SLC6A6: variants seen among roughly 807,000 people sequenced by gnomAD.
SLC6A6 encodes the protein solute carrier family 6 member 6.
SLC6A6 carries 16 observed loss-of-function variants against 68.8 expected under a neutral mutation model. That is an observed-to-expected ratio of 0.23 (90% CI 0.16 to 0.35). The LOEUF (loss-of-function observed/expected upper bound fraction) is 0.35, where lower values mean the gene tolerates loss of function less well. SLC6A6 is among the 10% of genes least tolerant of loss of function. The pLI is 1.00. For missense variants in SLC6A6, 474 were observed against 802.8 expected, an observed-to-expected ratio of 0.59 and a Z score of 4.95; for synonymous variants, 312 against 315.4, an observed-to-expected ratio of 0.99 and a Z score of 0.12.
At chr3:14,410,501 G>T (rs570875887) in intron 1 of SLC6A6, among the ~76,000 whole-genome samples, 34 of 152,354 alleles carry the variant, frequency 2.2e-4, no homozygotes, top group African/African-American at 7.9e-4. Flanking sequence ...GTGGTGAGCA[G>T]CTCTGGCCAC....
chr3:14,435,119 C>T (rs192218021), intron 2 of SLC6A6, among the ~76,000 whole-genome samples: 122 of 152,330 alleles, frequency 8.0e-4, no homozygotes, highest in African/African-American at 2.8e-3. Flanking sequence ...GGCTGGTCCC[C>T]ATCCAGAGGT....
chr3:14,461,788 G>A (rs1389246960), intron 6 of SLC6A6, among the ~76,000 whole-genome samples: 1 of 152,186 alleles, frequency 6.6e-6, no homozygotes, highest in Non-Finnish European at 1.5e-5. Context: ...CAGCCAGGGC[G>A]CTGAGGATCC....
intron 2 of SLC6A6, among the ~76,000 whole-genome samples, chr3:14,432,295 C>T (rs1488507509): frequency 6.6e-6 from 1 of 152,218 alleles, no homozygotes; most frequent in East Asian, 1.9e-4. Flanking sequence ...CTGGGCTCTG[C>T]AGAGCCTGTT....
intron 5 of SLC6A6, among the ~76,000 whole-genome samples, chr3:14,449,789 G>T (rs977432191): frequency 3.3e-5 from 5 of 152,088 alleles, no homozygotes; most frequent in Non-Finnish European, 2.9e-5. Context: ...GTCTCACTCT[G>T]TTGCCAGGCT....
In SLC6A6 at chr3:14,450,091, A is replaced by G. The variant is rs1219542607; in HGVS notation, c.599+2275A>G. 6.6e-6 allele frequency among the ~76,000 whole-genome samples: 1 copy of G among 152,078 alleles called. No individual in the cohort carries two copies. The highest frequency in any genetic ancestry group is 1.5e-5 in the Non-Finnish European group (1 of 68,016). Reference sequence around the variant, plus strand: ...TATCGAGTGCCCTCATAGTGCATAAAACTACCCCTCAGGGCAGTTTCTTTG... The same window carrying G: ...TATCGAGTGCCCTCATAGTGCATAAGACTACCCCTCAGGGCAGTTTCTTTG... On this transcript the variant is annotated intron_variant, in intron 5 of 14. Transcript: ENST00000622186. This position sits in a 1 kb window ranked among gnomAD's most constrained non-coding sequence, Gnocchi z 4.1.
intron 5 of SLC6A6, among the ~76,000 whole-genome samples, chr3:14,453,519 T>C (rs767717522): frequency 6.6e-6 from 1 of 152,202 alleles, no homozygotes; most frequent in South Asian, 2.1e-4. Flanking sequence ...TCAGCCTCAG[T>C]TTCCCCATCA....
intron 2 of SLC6A6, among the ~76,000 whole-genome samples, chr3:14,433,435 C>T (rs1319531375): frequency 6.6e-6 from 1 of 152,094 alleles, no homozygotes; most frequent in Non-Finnish European, 1.5e-5. Context: ...TGGCCACCCA[C>T]CCCGCAGGTT....
chr3:14,403,123 T>TGTGTGGGG (rs1350237821), intron 1 of SLC6A6, among the ~76,000 whole-genome samples: 2 of 126,746 alleles, frequency 1.6e-5, no homozygotes, highest in Admixed American at 1.6e-4. Flanking sequence ...TGTGTGTGTG[T>TGTGTGGGG]GGCATATCTG....
At position 14,481,970 on chromosome 3, in the gene SLC6A6, T is replaced by A; in HGVS notation, c.1722+129T>A. ...AGCCATAGTTCCCTCACCCATCCAGTGGTTCAGCTTATGGGCAGCAGAGTG... is the reference window on the plus strand; with the variant it reads ...AGCCATAGTTCCCTCACCCATCCAGAGGTTCAGCTTATGGGCAGCAGAGTG... On this transcript the variant is annotated intron_variant, in intron 14 of 14. Coordinates refer to ENST00000622186, the MANE Select transcript of SLC6A6 (RefSeq NM_003043.6). The surrounding 1 kb of genome is among the most constrained non-coding windows in gnomAD (Gnocchi z 4.7). 2.8e-6 allele frequency: 2 copies of A among 717,350 alleles called. No homozygotes were observed. Among genetic ancestry groups the A allele is most frequent in the Non-Finnish European group, 4.7e-6 (2 of 429,904 alleles). The allele number at this position is 717,350 out of a possible 1,614,324, so 44.4% of individuals were successfully genotyped here.
At chr3:14,462,089 C>A (rs1223543398) in intron 6 of SLC6A6, among the ~76,000 whole-genome samples, 4 of 152,236 alleles carry the variant, frequency 2.6e-5, no homozygotes, top group Non-Finnish European at 5.9e-5. Context: ...CCACGTCCCA[C>A]AGCAAGGCCT....
At chr3:14,405,794 T>A (rs1167101551) in intron 1 of SLC6A6, among the ~76,000 whole-genome samples, 1 of 152,206 alleles carries the variant, frequency 6.6e-6, no homozygotes, top group African/African-American at 2.4e-5. Context: ...TAGACCTTGG[T>A]TAAGGTCAGC....
intron 2 of SLC6A6, among the ~76,000 whole-genome samples, chr3:14,439,458 G>C (rs1699933044): frequency 1.3e-5 from 2 of 152,218 alleles, no homozygotes; most frequent in Non-Finnish European, 1.5e-5. Flanking sequence ...GTGATCTGCA[G>C]TTGGTTTCAG....
At chr3:14,471,382 A>G in intron 9 of SLC6A6, among the ~76,000 whole-genome samples, 1 of 152,094 alleles carries the variant, frequency 6.6e-6, no homozygotes, top group East Asian at 1.9e-4. Flanking sequence ...TTTGAAACCC[A>G]GAGCCCTTTT....
chr3:14,456,432 G>C (rs146349153), intron 5 of SLC6A6, among the ~76,000 whole-genome samples: 103 of 152,290 alleles, frequency 6.8e-4, no homozygotes, highest in African/African-American at 2.5e-3. Context: ...TCTTTATTGA[G>C]GTCCTCCAAT....
chr3:14,455,516 G>A (rs1039118337), intron 5 of SLC6A6, among the ~76,000 whole-genome samples: 1 of 152,242 alleles, frequency 6.6e-6, no homozygotes, highest in African/African-American at 2.4e-5. Flanking sequence ...CCAGGGTCTG[G>A]TGGGCAACAC....
chr3:14,477,469 GGGTCC>G lies in SLC6A6; in HGVS notation c.1347+128_1347+132del. The stretch of plus-strand genomic sequence containing the variant: ...CATCTCCCAGCCCCACCCAATTCAG[GGGTCC>G]TGCTTGGACCAACACTGGGGGTAGC... On this transcript the variant is annotated intron_variant, in intron 11 of 14. Coordinates refer to ENST00000622186, the MANE Select transcript of SLC6A6 (RefSeq NM_003043.6). The surrounding 1 kb of genome is among the most constrained non-coding windows in gnomAD (Gnocchi z 4.2). The G allele has an allele frequency of 3.1e-6, 3 of 982,086 alleles. No homozygotes were observed. The highest frequency in any genetic ancestry group is 4.6e-6 in the Non-Finnish European group (3 of 645,260). 60.8% of individuals were successfully genotyped at this position (982,086 alleles called of 1,614,324 possible). A position where few individuals can be genotyped will look rare whatever the true frequency, so the allele number is the denominator to read the frequency against.
chr3:14,436,924 C>A (rs1430087589), intron 2 of SLC6A6, among the ~76,000 whole-genome samples: 3 of 152,180 alleles, frequency 2.0e-5, no homozygotes, highest in Admixed American at 2.0e-4. Context: ...AGTTTGTCAG[C>A]CGGCTTGCAG....
chr3:14,475,607 T>C (rs9834678), intron 10 of SLC6A6, among the ~76,000 whole-genome samples: 18,625 of 152,190 alleles, frequency 0.12, 1,806 homozygotes, highest in African/African-American at 0.27. Flanking sequence ...CAGTGTTCTC[T>C]GGAAGCGGCA....
Position 14,468,357 on chromosome 3 carries a change from AT to A in SLC6A6, c.1096+146del. The A allele has an allele frequency of 1.4e-6, 1 of 700,344 alleles. No individual in the cohort carries two copies. The highest frequency in any genetic ancestry group is 2.3e-6 in the Non-Finnish European group (1 of 442,892). 43.4% of individuals were successfully genotyped at this position (700,344 alleles called of 1,614,324 possible). A position where few individuals can be genotyped will look rare whatever the true frequency, so the allele number is the denominator to read the frequency against. ...TGGACCCCCCCCCCGCCACCAAGAT[AT>A]CCCCCAAATTTCAAAGAGTACAAAG... On this transcript the variant is annotated intron_variant, in intron 9 of 14. Coordinates refer to ENST00000622186, the MANE Select transcript of SLC6A6 (RefSeq NM_003043.6). The surrounding 1 kb of genome is among the most constrained non-coding windows in gnomAD (Gnocchi z 4.5).
Sources: gnomAD v4.1 joint callset for allele counts (sites outside exome capture counted in the v4.1 genomes callset) on GRCh38, gnomAD v4.1.1 for gene constraint, Gnocchi (gnomAD v3.1) non-coding constraint, MANE v1.5 for transcripts, NCBI Gene and HGNC (gene_info 2026-07-23, HGNC 2026-07-21) for gene names.